Variants in CSNK2A2 observed in about 807,000 individuals in gnomAD.
CSNK2A2 encodes the protein casein kinase II subunit alpha'.
CSNK2A2 carries 8 observed loss-of-function variants against 54.0 expected under a neutral mutation model. The observed-to-expected ratio is 0.15, with a 90% CI of 0.09 to 0.27. The LOEUF (loss-of-function observed/expected upper bound fraction) is 0.27, where lower values mean the gene tolerates loss of function less well. Among genes scored for constraint, CSNK2A2 ranks in the 10% least tolerant of loss-of-function variants. The probability of loss-of-function intolerance (pLI) is 1.00; values close to 1 mark genes in which losing one functional copy is unlikely to be tolerated. For synonymous variants in CSNK2A2, 141 were observed against 153.9 expected, an observed-to-expected ratio of 0.92 and a Z score of 0.62; for missense variants, 242 against 439.4, an observed-to-expected ratio of 0.55 and a Z score of 4.02.
chr16:58,184,382 G>A, intron 3 of CSNK2A2, 72 bp from the exon 4 acceptor site: 1 of 1,104,998 alleles, frequency 9.0e-7, no homozygotes, highest in Non-Finnish European at 1.3e-6. Context: ...TGCCAAAATG[G>A]CCCATCCCCA....
intron 5 of CSNK2A2, among the ~76,000 whole-genome samples, chr16:58,171,639 A>G (rs753257498): frequency 4.0e-4 from 61 of 152,202 alleles, no homozygotes; most frequent in Admixed American, 2.6e-4. Flanking sequence ...CAGGATGTTC[A>G]CAATATCCTC....
intron 9 of CSNK2A2, 82 bp downstream of exon 9, chr16:58,166,502 G>T: frequency 1.1e-6 from 1 of 882,182 alleles, no homozygotes; most frequent in East Asian, 2.4e-5. Context: ...TAATCAGAAT[G>T]GGAAAAGAAA....
Position 58,172,917 on chromosome 16 carries a change from AT to A in CSNK2A2, c.429+1533del, listed in dbSNP as rs1324348241. ...CACATGTCCACCTGGGAAGACCTGC[AT>A]TAGTTGGATGTCTTTATGGGACCTA... On this transcript the variant is annotated intron_variant, in intron 5 of 11. Transcript: ENST00000262506. Among the ~76,000 whole-genome samples, 29 of 152,232 alleles carry A rather than the reference AT, an allele frequency of 1.9e-4. 1 individual carries two copies. The highest frequency in any genetic ancestry group is 7.0e-4 in the African/African-American group (29 of 41,462).
At chr16:58,179,876 A>C (rs1327613577) in intron 4 of CSNK2A2, among the ~76,000 whole-genome samples, 1 of 152,086 alleles carries the variant, frequency 6.6e-6, no homozygotes, top group African/African-American at 2.4e-5. Context: ...TCAGCAGTTC[A>C]AGACTAGCCT....
At chr16:58,195,771 TATC>T (rs1962428875) in intron 2 of CSNK2A2, among the ~76,000 whole-genome samples, 1 of 152,254 alleles carries the variant, frequency 6.6e-6, no homozygotes, top group Non-Finnish European at 1.5e-5. Flanking sequence ...GATAACGTCA[TATC>T]ATTATCAAAT....
At chr16:58,160,897 G>T (rs1961324723) in intron 11 of CSNK2A2, 1 of 152,268 alleles carries the variant, frequency 6.6e-6, no homozygotes, top group South Asian at 2.1e-4. Context: ...TTTAAACCTT[G>T]TGAGTGCTGA....
At chr16:58,160,263 G>A (rs921054540) in intron 11 of CSNK2A2, 11 of 152,024 alleles carry the variant, frequency 7.2e-5, no homozygotes, top group South Asian at 2.1e-4. Context: ...TTTTGCTTTC[G>A]GAAGGGTTTA....
intron 5 of CSNK2A2, among the ~76,000 whole-genome samples, chr16:58,172,935 T>G (rs1199802004): frequency 1.3e-5 from 2 of 152,228 alleles, no homozygotes; most frequent in East Asian, 1.9e-4. Flanking sequence ...GATGTCTTTA[T>G]GGGACCTAAG....
intron 2 of CSNK2A2, among the ~76,000 whole-genome samples, chr16:58,187,450 T>C (rs1215877600): frequency 6.6e-6 from 1 of 152,182 alleles, no homozygotes; most frequent in Non-Finnish European, 1.5e-5. Context: ...GAAAGAAATG[T>C]TGAATCAGGA....
In CSNK2A2 at chr16:58,197,624, C is replaced by A; in HGVS notation, c.104+9G>T. 1.3e-6 allele frequency: 2 copies of A among 1,546,388 alleles called. No individual in the cohort carries two copies. The highest frequency in any genetic ancestry group is 1.7e-6 in the Non-Finnish European group (2 of 1,145,882). ...CAGCGGGCCCGGCGGGGGGCGGCGA[C>A]GGCTTTACCCCCAGCTCGGGACGTG... is the stretch of plus-strand genomic sequence containing the variant. On this transcript the variant is annotated intron_variant, in intron 1 of 11. Coordinates refer to ENST00000262506, the MANE Select transcript of CSNK2A2 (RefSeq NM_001896.4). The surrounding 1 kb of genome is among the most constrained non-coding windows in gnomAD (Gnocchi z 4.0).
At chr16:58,163,853 A>C in intron 11 of CSNK2A2, 2 of 464,020 alleles carry the variant, frequency 4.3e-6, no homozygotes, top group Middle Eastern at 4.4e-4. Flanking sequence ...AACTAGGTGC[A>C]TCCCCATGCT....
chr16:58,195,123 T>C (rs1444616066), intron 2 of CSNK2A2, among the ~76,000 whole-genome samples: 1 of 152,056 alleles, frequency 6.6e-6, no homozygotes, highest in African/African-American at 2.4e-5. Context: ...ATTGAAAACT[T>C]ATGCTTATGT....
At chr16:58,186,667 T>C (rs1348491728) in intron 3 of CSNK2A2, 88 bp downstream of exon 3, 3 of 879,208 alleles carry the variant, frequency 3.4e-6, no homozygotes, top group South Asian at 3.2e-5. Flanking sequence ...ATCCCCACTG[T>C]ATCATTACGT....
At position 58,198,087 on chromosome 16, in the gene CSNK2A2, G is replaced by A. The variant is rs901577775; in HGVS notation, c.-351C>T. On this transcript the variant is annotated 5_prime_UTR_variant, in exon 1 of 12. Transcript: ENST00000262506. ...CGGGAAAGGGGCAGCGGCGGCGGCA[G>A]CGGAGAAGAAGGAGGAGAGGAGGAG... 1.4e-5 allele frequency among the ~76,000 whole-genome samples: 2 copies of A among 146,578 alleles called. No homozygotes were observed. The highest frequency in any genetic ancestry group is 3.0e-5 in the Non-Finnish European group (2 of 65,852).
At chr16:58,196,897 T>C in intron 1 of CSNK2A2, 53 bp from the exon 2 acceptor site, 1 of 1,111,284 alleles carries the variant, frequency 9.0e-7, no homozygotes, top group Non-Finnish European at 1.4e-6. Context: ...TAACCAAGCC[T>C]ATGCCCACTG....
At chr16:58,158,580 A>C (rs1961220958) in intron 11 of CSNK2A2, among the ~76,000 whole-genome samples, 1 of 152,178 alleles carries the variant, frequency 6.6e-6, no homozygotes, top group South Asian at 2.1e-4. Context: ...GCCTTCTGTC[A>C]CAGGACGGGT....
intron 4 of CSNK2A2, among the ~76,000 whole-genome samples, chr16:58,182,386 A>AAC (rs1479485078): frequency 9.1e-5 from 13 of 143,064 alleles, no homozygotes; most frequent in Non-Finnish European, 1.7e-4. Context: ...AAAAAAAAAA[A>AAC]AAAAAAAAAA....
At chr16:58,196,705 T>G in intron 2 of CSNK2A2, 28 bp downstream of exon 2, 1 of 1,471,534 alleles carries the variant, frequency 6.8e-7, no homozygotes, top group Non-Finnish European at 9.5e-7. Flanking sequence ...GGGAGGAAAA[T>G]GTTACATACC....
At chr16:58,174,951 T>C (rs1036224184) in intron 4 of CSNK2A2, among the ~76,000 whole-genome samples, 1 of 152,172 alleles carries the variant, frequency 6.6e-6, no homozygotes, top group African/African-American at 2.4e-5. Context: ...CATGGGCTAC[T>C]GTGGTAAAAC....
Sources: allele counts gnomAD v4.1 joint callset (sites outside exome capture counted in the v4.1 genomes callset), GRCh38; gene constraint gnomAD v4.1.1; non-coding constraint Gnocchi (gnomAD v3.1); transcripts MANE v1.5; gene names NCBI Gene and HGNC (gene_info 2026-07-23, HGNC 2026-07-21).